PCBP3: variants seen among roughly 807,000 people sequenced by gnomAD.
PCBP3 encodes poly(rC) binding protein 3, also known as poly(rC)-binding protein 3.
Under a neutral mutation model 52.7 loss-of-function variants are expected in PCBP3, and 25 were observed. The observed-to-expected ratio is 0.47, with a 90% CI of 0.35 to 0.66. PCBP3 has a LOEUF of 0.66. PCBP3 is among the 30% of genes least tolerant of loss of function. PCBP3 has a pLI of 0.01. For synonymous variants in PCBP3, 162 were observed against 183.0 expected (o/e 0.89, Z 0.93); for missense variants, 391 against 490.3 (o/e 0.80, Z 1.91).
chr21:45,773,457 T>C (rs1279940361), intron 4 of PCBP3, among the ~76,000 whole-genome samples: 3 of 152,188 alleles, frequency 2.0e-5, no homozygotes, highest in Non-Finnish European at 4.4e-5. Flanking sequence ...TGAACATTTT[T>C]TCACATACTT....
At chr21:45,900,523 A>C (rs947873382) in intron 7 of PCBP3, 68 bp from the exon 8 acceptor site, 2 of 1,305,728 alleles carry the variant, frequency 1.5e-6, no homozygotes, top group South Asian at 2.4e-5. Flanking sequence ...CTCCCCACCC[A>C]CCATGGGCCG....
chr21:45,716,368 T>C (rs1315960436), intron 2 of PCBP3, among the ~76,000 whole-genome samples: 2 of 152,186 alleles, frequency 1.3e-5, no homozygotes, highest in African/African-American at 4.8e-5. Context: ...CCTGAATTAG[T>C]CTGCTAGGGC....
Position 45,941,721 on chromosome 21 carries a change from CT to C in PCBP3, c.*17del. 1 of 1,597,930 alleles carries C rather than the reference CT, an allele frequency of 6.3e-7. No individual in the cohort carries two copies. Reference sequence around the variant, plus strand: ...GCACGCTGTAATCCTACCCAGCACCCTTCCCCCGCGTCACCCACCTGCCAGA... The same window carrying C: ...GCACGCTGTAATCCTACCCAGCACCCTCCCCCGCGTCACCCACCTGCCAGA... On this transcript the variant is annotated 3_prime_UTR_variant, in exon 18 of 18. Transcript: ENST00000681687.
intron 2 of PCBP3, among the ~76,000 whole-genome samples, chr21:45,677,985 G>A (rs116410283): frequency 7.2e-5 from 11 of 152,112 alleles, no homozygotes; most frequent in African/African-American, 1.4e-4. Flanking sequence ...CATTAACACC[G>A]CATCCATTCT....
chr21:45,793,788 C>T (rs1404511155), intron 4 of PCBP3, among the ~76,000 whole-genome samples: 1 of 152,066 alleles, frequency 6.6e-6, no homozygotes, highest in Non-Finnish European at 1.5e-5. Context: ...TCAAAATACT[C>T]GGGAAAAATG....
intron 11 of PCBP3, chr21:45,911,394 G>A (rs1470578996): frequency 1.8e-5 from 5 of 279,510 alleles, no homozygotes; most frequent in Non-Finnish European, 2.8e-5. Context: ...GGCCTTGGGG[G>A]GCAGCTGGGG....
At chr21:45,778,605 T>C (rs2090420461) in intron 4 of PCBP3, among the ~76,000 whole-genome samples, 1 of 152,014 alleles carries the variant, frequency 6.6e-6, no homozygotes. Context: ...TACTTGCAGG[T>C]AGGTGCCAGC....
At chr21:45,799,294 G>A (rs973614928) in intron 4 of PCBP3, among the ~76,000 whole-genome samples, 12 of 152,198 alleles carry the variant, frequency 7.9e-5, no homozygotes, top group Non-Finnish European at 1.6e-4. Context: ...GTTGTCCGAT[G>A]AGTACAGTAG....
chr21:45,738,605 A>C (rs2086075374), intron 3 of PCBP3, among the ~76,000 whole-genome samples: 1 of 152,184 alleles, frequency 6.6e-6, no homozygotes, highest in Non-Finnish European at 1.5e-5. Flanking sequence ...GAACTGAAAA[A>C]TATGAAAAAC....
rs527654088 is a variant in PCBP3, at chr21:45,814,436, ATGAGTGG to A, written c.-125-35504_-125-35498del. On this transcript the variant is annotated intron_variant, in intron 4 of 17. Transcript: ENST00000681687. ...GTGAGTGGTGAGTGGTGACTGAGTG[ATGAGTGG>A]TGAGTGGTGAGTGGTGAGTGATGAG... 2.8e-3 allele frequency among the ~76,000 whole-genome samples: 280 copies of A among 101,526 alleles called. 1 individual carries two copies. The highest frequency in any genetic ancestry group is 7.1e-3 in the Middle Eastern group (1 of 140). 66.6% of individuals were successfully genotyped at this position (101,526 alleles called of 152,430 possible).
At chr21:45,764,368 C>T (rs561898770) in intron 4 of PCBP3, among the ~76,000 whole-genome samples, 11 of 152,260 alleles carry the variant, frequency 7.2e-5, no homozygotes, top group East Asian at 1.9e-4. Context: ...GCAGTCTACC[C>T]GCCTCCGCCT....
At chr21:45,900,463 C>T (rs2075891) in intron 7 of PCBP3, 128 bp from the exon 8 acceptor site, 259,217 of 699,478 alleles carry the variant, frequency 0.37, 51,853 homozygotes, top group East Asian at 0.64. Context: ...CTGGTTTGCT[C>T]CTCCAGCACA....
At chr21:45,659,243 C>G (rs1048700838) in intron 1 of PCBP3, among the ~76,000 whole-genome samples, 5 of 149,160 alleles carry the variant, frequency 3.4e-5, no homozygotes, top group African/African-American at 1.2e-4. Flanking sequence ...TGAGATATTT[C>G]TCTTTTAACA....
Position 45,679,412 on chromosome 21 carries a change from C to T in PCBP3, c.-200+10460C>T, listed in dbSNP as rs543937458. On this transcript the variant is annotated intron_variant, in intron 2 of 17. Transcript: ENST00000681687. Reference sequence around the variant, plus strand: ...CTGGGATTACAGGTGTGAGCCACCACGCCTGGCCGCAATAAAGTATTTTTA... The same window carrying T: ...CTGGGATTACAGGTGTGAGCCACCATGCCTGGCCGCAATAAAGTATTTTTA... 5.9e-5 allele frequency among the ~76,000 whole-genome samples: 9 copies of T among 152,202 alleles called. No homozygotes were observed. In the South Asian group the frequency reaches 1.0e-3, roughly 18 times the overall value.
At position 45,668,861 on chromosome 21, in the gene PCBP3, TA is replaced by T. The variant is rs1159812355; in HGVS notation, c.-278-12del. On this transcript the variant is annotated splice_polypyrimidine_tract_variant and intron_variant, in intron 1 of 17. Coordinates refer to ENST00000681687, the MANE Select transcript of PCBP3 (RefSeq NM_001384156.1). ...CGTATATTGAATTTAATGTTGGCAT[TA>T]TTTTTTTTCAGCACATTGGAGATAT... is the stretch of plus-strand genomic sequence containing the variant. 2.6e-5 allele frequency: 4 copies of T among 152,200 alleles called. No homozygotes were observed. 9.4% of individuals were successfully genotyped at this position (152,200 alleles called of 1,614,324 possible). A position where few individuals can be genotyped will look rare whatever the true frequency, so the allele number is the denominator to read the frequency against.
At chr21:45,703,131 C>T (rs1245284933) in intron 2 of PCBP3, among the ~76,000 whole-genome samples, 1 of 152,190 alleles carries the variant, frequency 6.6e-6, no homozygotes, top group Non-Finnish European at 1.5e-5. Flanking sequence ...TGACTTCCTT[C>T]AATAAAGGAT....
chr21:45,880,946 G>A lies in PCBP3; in HGVS notation c.11-15262G>A, dbSNP rs1333370251. Among the ~76,000 whole-genome samples, 1 of 152,198 alleles carries A rather than the reference G, an allele frequency of 6.6e-6. No homozygotes were observed. Among genetic ancestry groups the A allele is most frequent in the African/African-American group, 2.4e-5 (1 of 41,456 alleles). Reference sequence around the variant, plus strand: ...GTACCCAGGGGCTTCAGCACGGGGTGAGTCCAAGCTTAGAAGCTCACTGGC... The same window carrying A: ...GTACCCAGGGGCTTCAGCACGGGGTAAGTCCAAGCTTAGAAGCTCACTGGC... On this transcript the variant is annotated intron_variant, in intron 5 of 17. Transcript: ENST00000681687. This position sits in a 1 kb window ranked among gnomAD's most constrained non-coding sequence, Gnocchi z 5.4.
rs57651389 is a variant in PCBP3, at chr21:45,780,371, C to G, written c.-126+24919C>G. ...TCTCTCTGGAAAGAGGTTATAAATT[C>G]TAGTTATGATCTGATGGGGCTCCAA... On this transcript the variant is annotated intron_variant, in intron 4 of 17. Coordinates refer to ENST00000681687, the MANE Select transcript of PCBP3 (RefSeq NM_001384156.1). 9.4e-3 allele frequency among the ~76,000 whole-genome samples: 1,432 copies of G among 152,302 alleles called. 27 individuals are homozygous for G. Among genetic ancestry groups the G allele is most frequent in the African/African-American group, 0.033 (1,364 of 41,568 alleles).
chr21:45,849,530 T>G (rs2093913012), intron 4 of PCBP3, among the ~76,000 whole-genome samples: 1 of 152,080 alleles, frequency 6.6e-6, no homozygotes, highest in African/African-American at 2.4e-5. Context: ...TTTTTCCAAG[T>G]CTCTCCTCTA....
Sources: allele counts gnomAD v4.1 joint callset (sites outside exome capture counted in the v4.1 genomes callset), GRCh38; gene constraint gnomAD v4.1.1; non-coding constraint Gnocchi (gnomAD v3.1); transcripts MANE v1.5; gene names NCBI Gene and HGNC (gene_info 2026-07-23, HGNC 2026-07-21).